Variants in ZPBP observed in about 807,000 individuals in gnomAD.
The protein encoded by ZPBP is zona pellucida binding protein, also known as zona pellucida-binding protein 1.
Under a neutral mutation model 44.8 loss-of-function variants are expected in ZPBP, and 26 were observed. That is an observed-to-expected ratio of 0.58 (90% confidence interval 0.43 to 0.81). The LOEUF (loss-of-function observed/expected upper bound fraction) is 0.81, where lower values mean the gene tolerates loss of function less well. Among genes scored for constraint, ZPBP ranks in the 30% least tolerant of loss-of-function variants. ZPBP has a pLI of 0.00. For missense variants in ZPBP, 409 were observed against 434.0 expected (o/e 0.94, Z 0.51); for synonymous variants, 174 against 153.2 (o/e 1.14, Z -1.00).
intron 6 of ZPBP, 42 bp downstream of exon 6, chr7:50,018,198 A>C (rs1456937264): frequency 1.3e-6 from 2 of 1,498,824 alleles, no homozygotes; most frequent in South Asian, 2.3e-5. Flanking sequence ...GGGCATGTTC[A>C]TTTAACTTTT....
At chr7:49,892,364 G>A (rs537771951) in intron 2 of ZPBP, among the ~76,000 whole-genome samples, 1 of 152,122 alleles carries the variant, frequency 6.6e-6, no homozygotes, top group Non-Finnish European at 1.5e-5. Context: ...TAGATTTTAA[G>A]GCAAGAAACA....
At chr7:50,011,521 C>A (rs373865569) in intron 6 of ZPBP, among the ~76,000 whole-genome samples, 1 of 152,278 alleles carries the variant, frequency 6.6e-6, no homozygotes, top group African/African-American at 2.4e-5. Context: ...ACAACACCAC[C>A]ATCCACTTTT....
intron 1 of ZPBP, 60 bp from the exon 2 acceptor site, chr7:50,089,769 C>T: frequency 7.7e-7 from 1 of 1,305,708 alleles, no homozygotes; most frequent in South Asian, 1.2e-5. Context: ...TTCAAATATA[C>T]TATTACAGTA....
chr7:49,878,067 A>T (rs1791517629), intron 2 of ZPBP, among the ~76,000 whole-genome samples: 1 of 151,994 alleles, frequency 6.6e-6, no homozygotes, highest in Non-Finnish European at 1.5e-5. Context: ...GGCTTTTTTC[A>T]GTGACCGCTC....
chr7:50,070,385 G>A (rs1233365426), intron 3 of ZPBP, among the ~76,000 whole-genome samples: 2 of 152,196 alleles, frequency 1.3e-5, no homozygotes, highest in African/African-American at 4.8e-5. Context: ...CTGAAGTGCT[G>A]GTATTGTCCT....
intron 4 of ZPBP, among the ~76,000 whole-genome samples, chr7:50,037,393 A>G (rs1799873254): frequency 6.6e-6 from 1 of 152,224 alleles, no homozygotes; most frequent in African/African-American, 2.4e-5. Context: ...AGAACTACTT[A>G]AGACTGGGTA....
chr7:49,929,317 C>T (rs186109803), intron 1 of ZPBP, among the ~76,000 whole-genome samples: 6 of 152,318 alleles, frequency 3.9e-5, no homozygotes, highest in Admixed American at 1.3e-4. Context: ...TCTTTTGTCA[C>T]CATGCTTGAT....
chr7:49,992,354 T>C (rs770369591), intron 6 of ZPBP, among the ~76,000 whole-genome samples: 2 of 151,856 alleles, frequency 1.3e-5, no homozygotes, highest in African/African-American at 2.4e-5. Context: ...ATATATAAGC[T>C]TAAAATGGAA....
chr7:49,849,246 C>T (rs977462096), downstream of ZPBP, among the ~76,000 whole-genome samples: 1 of 152,124 alleles, frequency 6.6e-6, no homozygotes, highest in African/African-American at 2.4e-5. Context: ...ATGCTTTTGT[C>T]TTTTATGAAT....
In ZPBP at chr7:49,983,492, T is replaced by TA; in HGVS notation, c.810dup (p.Asn271Ter). The TA allele has an allele frequency of 6.8e-6, 11 of 1,606,846 alleles. No homozygotes were observed. Among genetic ancestry groups the TA allele is most frequent in the Non-Finnish European group, 8.5e-6 (10 of 1,175,286 alleles). ...CTGCCAAGAATTTCTACTTGTTGAT[T>TA]AAAAAATCTCTCTATGAGATTTTTA... On this transcript the variant is annotated frameshift_variant, in exon 7 of 8. Coordinates refer to ENST00000046087, the MANE Select transcript of ZPBP (RefSeq NM_007009.3). LOFTEE classifies it high-confidence loss of function.
At chr7:49,969,832 G>GAGAGAGAGAGAAAGAGAA (rs1796221464) in intron 7 of ZPBP, among the ~76,000 whole-genome samples, 1 of 85,062 alleles carries the variant, frequency 1.2e-5, no homozygotes, top group Non-Finnish European at 2.6e-5. Flanking sequence ...GAGAGAGAGA[G>GAGAGAGAGAGAAAGAGAA]AGAGAGAGAG....
chr7:49,886,302 C>G (rs1338543805), intron 2 of ZPBP, among the ~76,000 whole-genome samples: 1 of 151,856 alleles, frequency 6.6e-6, no homozygotes. Flanking sequence ...AGAGTACATT[C>G]CTATTTGGAA....
intron 6 of ZPBP, among the ~76,000 whole-genome samples, chr7:50,000,163 A>G (rs899201801): frequency 1.3e-5 from 2 of 152,168 alleles, no homozygotes; most frequent in African/African-American, 2.4e-5. Context: ...GTAGTCAAAA[A>G]TGAGGATATA....
chr7:49,998,960 A>C (rs1376319829), intron 6 of ZPBP, among the ~76,000 whole-genome samples: 1 of 152,102 alleles, frequency 6.6e-6, no homozygotes, highest in Non-Finnish European at 1.5e-5. Context: ...GAAACCTGAA[A>C]TGGTTCAAAA....
chr7:49,943,798 T>A, intron 7 of ZPBP: 1 of 243,592 alleles, frequency 4.1e-6, no homozygotes, highest in Non-Finnish European at 8.0e-6. Flanking sequence ...GGTGAATCTA[T>A]AACCCTGGAG....
At chr7:49,987,509 G>C (rs571891386) in intron 6 of ZPBP, among the ~76,000 whole-genome samples, 2 of 152,224 alleles carry the variant, frequency 1.3e-5, no homozygotes, top group East Asian at 3.9e-4. Context: ...AGGAGTCCTA[G>C]GAATTAGAGG....
At chr7:50,035,542 C>T (rs1210135509) in intron 4 of ZPBP, among the ~76,000 whole-genome samples, 1 of 152,120 alleles carries the variant, frequency 6.6e-6, no homozygotes, top group African/African-American at 2.4e-5. Flanking sequence ...ATTTGAGAAC[C>T]ACTGATCTAT....
chr7:49,979,994 T>A (rs1237851564), intron 7 of ZPBP, among the ~76,000 whole-genome samples: 1 of 101,194 alleles, frequency 9.9e-6, no homozygotes, highest in Non-Finnish European at 1.8e-5. Flanking sequence ...TATAATTTTA[T>A]ATTATATATT....
At chr7:50,064,309 G>A (rs1801395480) in intron 3 of ZPBP, among the ~76,000 whole-genome samples, 2 of 152,146 alleles carry the variant, frequency 1.3e-5, no homozygotes, top group Admixed American at 6.5e-5. Context: ...GTGGAGGCAG[G>A]GGGAGATCAC....
Sources: allele counts gnomAD v4.1 joint callset (sites outside exome capture counted in the v4.1 genomes callset), GRCh38; gene constraint gnomAD v4.1.1; transcripts MANE v1.5; gene names NCBI Gene and HGNC (gene_info 2026-07-23, HGNC 2026-07-21).